The following RNF17 variants were observed in gnomAD, a reference collection of about 807,000 sequenced individuals.
The protein encoded by RNF17 is ring finger protein 17, also known as spermatogenesis associated 23.
In RNF17, 31 loss-of-function variants were observed where a neutral mutation model predicts 200.5. The ratio of observed to expected loss-of-function variants is 0.15; its 90% CI spans 0.12 to 0.21. RNF17 has a LOEUF of 0.21. RNF17 is among the 10% of genes least tolerant of loss of function. RNF17 has a pLI of 1.00. For missense variants in RNF17, 1,628 were observed against 1,905.1 expected (o/e 0.85, Z 2.71); for synonymous variants, 606 against 637.8 (o/e 0.95, Z 0.75).
chr13:24,877,203 G>A lies in RNF17; in HGVS notation c.4773+17G>A. The A allele has an allele frequency of 6.3e-7, 1 of 1,595,786 alleles. No individual in the cohort carries two copies. Among genetic ancestry groups the A allele is most frequent in the Non-Finnish European group, 8.5e-7 (1 of 1,171,438 alleles). On this transcript the variant is annotated intron_variant, in intron 34 of 35. Coordinates refer to ENST00000255324, the MANE Select transcript of RNF17 (RefSeq NM_031277.3). ...GTGTCCATGGTAAGTGTCTCAAGTA[G>A]CCAAAATTATTGTAAAGCTATTTCT...
chr13:24,804,975 G>A (rs1287663395), intron 15 of RNF17, among the ~76,000 whole-genome samples: 1 of 152,118 alleles, frequency 6.6e-6, no homozygotes, highest in Non-Finnish European at 1.5e-5. Context: ...CTGTGAGAAA[G>A]ACACTGTTGT....
At chr13:24,798,005 A>G (rs1190777442) in intron 11 of RNF17, among the ~76,000 whole-genome samples, 2 of 152,130 alleles carry the variant, frequency 1.3e-5, no homozygotes, top group Non-Finnish European at 2.9e-5. Context: ...GGTACTCCTT[A>G]CAATTCTCAC....
In RNF17 at chr13:24,877,017, A is replaced by C; in HGVS notation, c.4604A>C (p.His1535Pro). Residue 1535 changes from histidine (H) to proline (P), a missense_variant, in exon 34 of 36, where the codon CAT becomes CCT. Transcript: ENST00000255324. ...GACAGACTGTGCCAAATTCCTTCTC[A>C]TCTTATGCGGTATCCAGCTCGAGCC... is the stretch of plus-strand genomic sequence containing the variant. Reference protein sequence around the residue: ...TLNRLCQIPSHLMRYPARAIK... With the variant: ...TLNRLCQIPSPLMRYPARAIK... 1 of 1,598,586 alleles carries C rather than the reference A, an allele frequency of 6.3e-7. No individual in the cohort carries two copies. Among genetic ancestry groups the C allele is most frequent in the East Asian group, 2.2e-5 (1 of 44,506 alleles).
intron 2 of RNF17, among the ~76,000 whole-genome samples, chr13:24,772,714 C>T (rs907034255): frequency 3.3e-5 from 5 of 151,858 alleles, no homozygotes; most frequent in African/African-American, 1.2e-4. Context: ...AGGTTCACGC[C>T]ATTCTCCTGC....
Position 24,877,019 on chromosome 13 carries a change from C to A in RNF17, c.4606C>A (p.Leu1536Ile). 1 of 1,604,256 alleles carries A rather than the reference C, an allele frequency of 6.2e-7. No individual in the cohort carries two copies. The highest frequency in any genetic ancestry group is 8.5e-7 in the Non-Finnish European group (1 of 1,177,392). Residue 1536 changes from leucine to isoleucine, a missense_variant, in exon 34 of 36, where the codon CTT becomes ATT. Leu to Ile is a conservative substitution (Grantham distance 5, BLOSUM62 2). Coordinates refer to ENST00000255324, the MANE Select transcript of RNF17 (RefSeq NM_031277.3). ...CAGACTGTGCCAAATTCCTTCTCAT[C>A]TTATGCGGTATCCAGCTCGAGCCAT... ...LNRLCQIPSH[L>I]MRYPARAIKV... is the part of the protein sequence containing the mutation.
At chr13:24,827,723 A>AAAAAAAAAAAC in intron 16 of RNF17, among the ~76,000 whole-genome samples, 1 of 148,154 alleles carries the variant, frequency 6.7e-6, no homozygotes, top group African/African-American at 2.5e-5. Context: ...AAAAACAAAA[A>AAAAAAAAAAAC]AAAAAAAACA....
At chr13:24,849,569 G>A (rs1022299642) in intron 22 of RNF17, among the ~76,000 whole-genome samples, 3 of 152,202 alleles carry the variant, frequency 2.0e-5, no homozygotes, top group African/African-American at 7.2e-5. Context: ...CAGTCACTCA[G>A]TTTCAACTCT....
chr13:24,886,442 A>C, the RNF17 span: 1 of 977,532 alleles, frequency 1.0e-6, no homozygotes, highest in South Asian at 1.3e-5. Context: ...TATAGGTCCC[A>C]AACTGCCACA....
At chr13:24,824,271 G>T in intron 15 of RNF17, 1 of 701,720 alleles carries the variant, frequency 1.4e-6, no homozygotes, top group Admixed American at 2.1e-5. Context: ...AGAACTTAAA[G>T]CTTCCTAATC....
At chr13:24,883,282 A>G (rs760080278), downstream of RNF17, 11 of 1,613,988 alleles carry the variant, frequency 6.8e-6, no homozygotes, top group East Asian at 4.5e-5. Flanking sequence ...CGGTTTTAAC[A>G]GTGCCATCTG....
rs1442910919 is a variant in RNF17 at position 24,765,638 on chromosome 13, A to C, written c.130+1305A>C. On this transcript the variant is annotated intron_variant, in intron 1 of 35. Transcript: ENST00000255324. ...TAAAATTACGGAATAAAGTTCTAGA[A>C]CACAACCTTTTAAAATGAGTACTTC... is the stretch of plus-strand genomic sequence containing the variant. Among the ~76,000 whole-genome samples, 4 of 152,332 alleles carry C rather than the reference A, an allele frequency of 2.6e-5. No individual in the cohort carries two copies. In the East Asian group the frequency reaches 7.7e-4, roughly 29 times the overall value.
chr13:24,768,827 A>G (rs979908438), intron 2 of RNF17, among the ~76,000 whole-genome samples: 1 of 152,106 alleles, frequency 6.6e-6, no homozygotes, highest in Admixed American at 6.6e-5. Flanking sequence ...CTTCCAGACT[A>G]CTAAAATAAC....
intron 10 of RNF17, among the ~76,000 whole-genome samples, chr13:24,794,448 T>G (rs1884286388): frequency 1.3e-5 from 2 of 152,080 alleles, no homozygotes; most frequent in African/African-American, 4.8e-5. Context: ...CCGAGGCACA[T>G]GGATGATTTG....
Position 24,769,981 on chromosome 13 carries a change from C to T in RNF17, c.225+2615C>T, listed in dbSNP as rs145540706. On this transcript the variant is annotated intron_variant, in intron 2 of 35. Transcript: ENST00000255324. ...CAGCAAAATGACAGATTTTATTCAA[C>T]GATAGGATTATACCTAGGTGCTATA... Among the ~76,000 whole-genome samples, 422 of 152,170 alleles carry T rather than the reference C, an allele frequency of 2.8e-3. 5 individuals carry two copies. Among genetic ancestry groups the T allele is most frequent in the African/African-American group, 9.8e-3 (405 of 41,518 alleles).
intron 19 of RNF17, 84 bp from the exon 20 acceptor site, chr13:24,843,660 C>A (rs1169385511): frequency 3.8e-6 from 1 of 263,794 alleles, no homozygotes; most frequent in Non-Finnish European, 5.9e-6. Context: ...ATATAAGTAT[C>A]ATCACAGTCA....
At chr13:24,884,924 C>G in the RNF17 span, among the ~76,000 whole-genome samples, 4 of 152,194 alleles carry the variant, frequency 2.6e-5, no homozygotes, top group Non-Finnish European at 1.5e-5. Flanking sequence ...TTAGCTGGAA[C>G]CCCCAGGCAG....
intron 25 of RNF17, among the ~76,000 whole-genome samples, chr13:24,855,154 C>A (rs968028809): frequency 6.6e-6 from 1 of 152,004 alleles, no homozygotes; most frequent in Non-Finnish European, 1.5e-5. Context: ...ATATTTCATT[C>A]ATTTTTTAAA....
downstream of RNF17, among the ~76,000 whole-genome samples, chr13:24,881,361 G>A (rs763564904): frequency 6.7e-4 from 101 of 151,776 alleles, 1 homozygote; most frequent in Non-Finnish European, 1.3e-3. Context: ...GGCTGGTCTC[G>A]AACTCCTGAC....
At chr13:24,820,060 C>T (rs1566177612) in intron 15 of RNF17, among the ~76,000 whole-genome samples, 1 of 151,092 alleles carries the variant, frequency 6.6e-6, no homozygotes. Flanking sequence ...TCATATATAT[C>T]TCTGTCTTCC....
Sources: allele counts gnomAD v4.1 joint callset (sites outside exome capture counted in the v4.1 genomes callset), GRCh38; gene constraint gnomAD v4.1.1; transcripts MANE v1.5; gene names NCBI Gene and HGNC (gene_info 2026-07-23, HGNC 2026-07-21).